The following ERCC8 variants were observed in gnomAD, a reference collection of about 807,000 sequenced individuals.
ERCC8 encodes DNA excision repair protein ERCC-8.
In ERCC8, 52 loss-of-function variants were observed where a neutral mutation model predicts 54.9. The observed-to-expected ratio is 0.95, with a 90% CI of 0.76 to 1.19. The LOEUF is 1.19. Among genes scored for constraint, ERCC8 ranks in the 50% most tolerant of loss-of-function variants. The pLI, the probability that ERCC8 is intolerant of heterozygous loss-of-function variation, is 0.00. For synonymous variants in ERCC8, 146 were observed against 157.2 expected (o/e 0.93, Z 0.53); for missense variants, 514 against 466.1 (o/e 1.10, Z -0.95).
Position 60,890,881 on chromosome 5 carries a change from A to C in ERCC8, c.1041+8T>G. 6.2e-7 allele frequency: 1 copy of C among 1,603,908 alleles called. No homozygotes were observed. Among genetic ancestry groups the C allele is most frequent in the Non-Finnish European group, 8.5e-7 (1 of 1,171,170 alleles). ...GCTGAACATTTTAAATTCCTGTATC[A>C]CTCTTACCTGGAAATTTGACTGAAA... On this transcript the variant is annotated splice_region_variant and intron_variant, in intron 10 of 11. Transcript: ENST00000676185.
rs774899829 is a variant in ERCC8 at position 60,903,708 on chromosome 5, T to C, written c.490A>G (p.Arg164Gly). 5.6e-6 allele frequency: 9 copies of C among 1,612,462 alleles called. No homozygotes were observed. Among genetic ancestry groups the C allele is most frequent in the Non-Finnish European group, 6.8e-6 (8 of 1,179,206 alleles). ...TKHCLVAVGT[R>G]GPKVQLCDLK... The stretch of plus-strand genomic sequence containing the variant: ...TCACAAAGTTGTACTTTGGGTCCTC[T>C]AGTACCAACTGTAAAAACAGAACCG... The change falls in exon 6 of 12, where the codon AGA (arginine) becomes GGA (glycine). Residue 164 changes from arginine (R) to glycine (G), a missense_variant. Transcript: ENST00000676185.
At chr5:60,942,934 A>G (rs184906769) in intron 1 of ERCC8, among the ~76,000 whole-genome samples, 18 of 152,324 alleles carry the variant, frequency 1.2e-4, no homozygotes, top group Admixed American at 8.5e-4. Flanking sequence ...ATGGAACTAT[A>G]TAATTGTTTA....
At chr5:60,875,710 C>G (rs1049531617) in intron 11 of ERCC8, among the ~76,000 whole-genome samples, 4 of 149,934 alleles carry the variant, frequency 2.7e-5, no homozygotes, top group Non-Finnish European at 5.9e-5. Flanking sequence ...TTTTTTTTTC[C>G]TTTTGAGACA....
chr5:60,937,255 C>A (rs1445212895), intron 1 of ERCC8, among the ~76,000 whole-genome samples: 1 of 152,174 alleles, frequency 6.6e-6, no homozygotes, highest in Non-Finnish European at 1.5e-5. Context: ...GTTGGTTGGC[C>A]TCCAGCCAGG....
chr5:60,881,313 C>G (rs1394971577), intron 11 of ERCC8, among the ~76,000 whole-genome samples: 1 of 152,158 alleles, frequency 6.6e-6, no homozygotes, highest in Non-Finnish European at 1.5e-5. Context: ...CATCAGGGAC[C>G]CACTTGAGGA....
chr5:60,916,552 G>C lies in ERCC8; in HGVS notation c.399+1713C>G, dbSNP rs1299161528. Among the ~76,000 whole-genome samples, 3 of 151,926 alleles carry C rather than the reference G, an allele frequency of 2.0e-5. No homozygotes were observed. In the East Asian group the frequency reaches 5.8e-4, roughly 29 times the overall value. ...ACAAGATATTCCATTATAGTCAGAA[G>C]TGAAAGGTCATGACATTCATTTAAT... On this transcript the variant is annotated intron_variant, in intron 4 of 11. Coordinates refer to ENST00000676185, the MANE Select transcript of ERCC8 (RefSeq NM_000082.4).
At chr5:60,904,683 TAA>T (rs1561504328) in intron 5 of ERCC8, 107 bp downstream of exon 5, 10 of 232,526 alleles carry the variant, frequency 4.3e-5, no homozygotes, top group Admixed American at 1.8e-4. Flanking sequence ...TATATATATA[TAA>T]AATTGTGATA....
intron 1 of ERCC8, among the ~76,000 whole-genome samples, chr5:60,942,217 T>C (rs534303026): frequency 1.3e-5 from 2 of 152,218 alleles, no homozygotes; most frequent in South Asian, 4.2e-4. Context: ...CTCTCACCTA[T>C]TAGTGGTGGG....
intron 9 of ERCC8, chr5:60,891,813 T>C (rs1186348741): frequency 3.1e-6 from 1 of 325,208 alleles, no homozygotes; most frequent in African/African-American, 2.2e-5. Context: ...AGACACATAG[T>C]TGGGGAAGGG....
At chr5:60,937,845 T>C (rs575641246) in intron 1 of ERCC8, among the ~76,000 whole-genome samples, 4 of 152,124 alleles carry the variant, frequency 2.6e-5, no homozygotes, top group Admixed American at 6.5e-5. Context: ...GTAGTTCTTA[T>C]AGCAAAAGTT....
intron 1 of ERCC8, among the ~76,000 whole-genome samples, chr5:60,931,463 C>T (rs1424311583): frequency 6.6e-6 from 1 of 152,046 alleles, no homozygotes. Flanking sequence ...CATGTTACCA[C>T]ACCTGGCTAA....
chr5:60,885,572 C>G (rs1748370032), intron 11 of ERCC8, among the ~76,000 whole-genome samples: 1 of 151,992 alleles, frequency 6.6e-6, no homozygotes, highest in Admixed American at 6.6e-5. Flanking sequence ...AAGCTTTATA[C>G]AGAAGAATAT....
chr5:60,902,175 T>G (rs189482050), intron 7 of ERCC8, among the ~76,000 whole-genome samples: 1 of 152,226 alleles, frequency 6.6e-6, no homozygotes, highest in African/African-American at 2.4e-5. Context: ...AAATTAGCAC[T>G]GTGTTATACA....
intron 4 of ERCC8, among the ~76,000 whole-genome samples, chr5:60,909,243 GAAAAAAAAAAAAAAAA>G (rs60064294): frequency 8.5e-4 from 17 of 19,946 alleles, no homozygotes; most frequent in Admixed American, 3.2e-3. Context: ...GCCCTATTCT[GAAAAAAAAAAAAAAAA>G]AAAAAAAAAA....
At position 60,899,697 on chromosome 5, in the gene ERCC8, C is replaced by G; in HGVS notation, c.648G>C (p.Val216=). 1 of 1,612,250 alleles carries G rather than the reference C, an allele frequency of 6.2e-7. No individual in the cohort carries two copies. Among genetic ancestry groups the G allele is most frequent in the Non-Finnish European group, 8.5e-7 (1 of 1,178,830 alleles). ...SADSRVKLWD[V]RRASGCLITL... is the part of the protein sequence containing the mutation. ...TAATCAAACATCCTGATGCTCTTCT[C>G]ACATCCCATAATTTTACTCTACTGT... Residue 216 remains valine (V), a synonymous_variant, in exon 8 of 12, where the codon GTG becomes GTC. Coordinates refer to ENST00000676185, the MANE Select transcript of ERCC8 (RefSeq NM_000082.4).
At chr5:60,934,201 G>T (rs963137578) in intron 1 of ERCC8, among the ~76,000 whole-genome samples, 10 of 152,136 alleles carry the variant, frequency 6.6e-5, no homozygotes, top group Admixed American at 1.3e-4. Context: ...CATTCCCACT[G>T]GCAGTGGAAA....
In ERCC8 at chr5:60,938,605, C is replaced by T. The variant is rs568974911; in HGVS notation, c.77+6327G>A. On this transcript the variant is annotated intron_variant, in intron 1 of 11. Transcript: ENST00000676185. Reference sequence around the variant, plus strand: ...CTGACCTCAGGTGATCCACCTGTCTCGGCCTCCCAAAGTGCTGGGATTACA... The same window carrying T: ...CTGACCTCAGGTGATCCACCTGTCTTGGCCTCCCAAAGTGCTGGGATTACA... 8.5e-5 allele frequency among the ~76,000 whole-genome samples: 13 copies of T among 152,242 alleles called. No individual in the cohort carries two copies. The East Asian group carries it at 1.7e-3, about 20-fold the overall frequency.
intron 4 of ERCC8, among the ~76,000 whole-genome samples, chr5:60,913,375 T>C (rs1405771659): frequency 1.3e-5 from 2 of 152,150 alleles, no homozygotes; most frequent in Non-Finnish European, 2.9e-5. Context: ...CTAGCTGATT[T>C]GCATAGAGGT....
Position 60,890,951 on chromosome 5 carries a change from T to C in ERCC8, c.979A>G (p.Ile327Val). ...TTATAATGTCCCTTAAGCATAGTTA[T>C]CTGTTCTCCTGAGTAAACTGTATAA... ...AVYTVYSGEQ[I>V]TMLKGHYKTV... is the part of the protein sequence containing the mutation. The change falls in exon 10 of 12, where the codon ATA becomes GTA. Residue 327 changes from isoleucine (I) to valine (V), a missense_variant. Coordinates refer to ENST00000676185, the MANE Select transcript of ERCC8 (RefSeq NM_000082.4). The C allele has an allele frequency of 6.2e-7, 1 of 1,613,674 alleles. No individual in the cohort carries two copies. Among genetic ancestry groups the C allele is most frequent in the Non-Finnish European group, 8.5e-7 (1 of 1,179,740 alleles).
Sources: gnomAD v4.1 joint callset for allele counts (sites outside exome capture counted in the v4.1 genomes callset) on GRCh38, gnomAD v4.1.1 for gene constraint, MANE v1.5 for transcripts, NCBI Gene and HGNC (gene_info 2026-07-23, HGNC 2026-07-21) for gene names.